The following USP6 variants were observed in gnomAD, a reference collection of about 807,000 sequenced individuals.
USP6 encodes ubiquitin specific peptidase 6, also known as ubiquitin carboxyl-terminal hydrolase 6.
A neutral mutation model predicts 175.7 loss-of-function variants in USP6; 128 were observed. The ratio of observed to expected loss-of-function variants is 0.73; its 90% CI spans 0.63 to 0.84. The LOEUF (loss-of-function observed/expected upper bound fraction) is 0.84. Among genes scored for constraint, USP6 ranks in the 40% least tolerant of loss-of-function variants. USP6 has a pLI of 0.00. For synonymous variants in USP6, 562 were observed against 630.6 expected, an observed-to-expected ratio of 0.89 and a Z score of 1.63; for missense variants, 1,498 against 1,760.3, an observed-to-expected ratio of 0.85 and a Z score of 2.67.
At chr17:5,151,431 ATGTG>A (rs138448773) in intron 30 of USP6, among the ~76,000 whole-genome samples, 9,924 of 146,316 alleles carry the variant, frequency 0.068, 933 homozygotes, top group African/African-American at 0.21. Context: ...CAAAGTCTGC[ATGTG>A]TGTGTGTGTG....
rs755743160 is a variant in USP6 at position 5,168,910 on chromosome 17, A to C, written c.3372A>C (p.Thr1124=). Residue 1124 remains threonine, a synonymous_variant, in exon 35 of 38, where the codon ACA becomes ACC. Transcript: ENST00000574788. ...CCCTCTGCCAGCATAAACCACTCAC[A>C]CCCCAGGGGGATGAGCTCTCCAAGC... is the stretch of plus-strand genomic sequence containing the variant. The part of the protein sequence containing the change: ...DPALCQHKPL[T]PQGDELSKPR... 6.2e-7 allele frequency: 1 copy of C among 1,613,866 alleles called. No homozygotes were observed.
Position 5,135,918 on chromosome 17 carries a change from C to T in USP6, c.654C>T (p.His218=). 2 of 1,598,486 alleles carry T rather than the reference C, an allele frequency of 1.3e-6. No homozygotes were observed. Among genetic ancestry groups the T allele is most frequent in the African/African-American group, 1.3e-5 (1 of 74,996 alleles). Residue 218 remains histidine, a synonymous_variant, in exon 17 of 38, where the codon CAC becomes CAT. Coordinates refer to ENST00000574788, the MANE Select transcript of USP6 (RefSeq NM_001304284.2). ...ALVQLLASER[H]SLPGFHSPNG... The stretch of plus-strand genomic sequence containing the variant: ...TGCAGCTGCTGGCCAGTGAGAGGCA[C>T]TCCCTGCCAGGTAGGTGAACAGCTG...
chr17:5,137,993 C>T, intron 20 of USP6, 128 bp from the exon 21 acceptor site: 1 of 1,556,982 alleles, frequency 6.4e-7, no homozygotes, highest in Non-Finnish European at 8.7e-7. Flanking sequence ...CTCCTGTGTA[C>T]ATCTGGATGC....
chr17:5,128,403 A>G (rs1241151622), intron 7 of USP6: 1 of 152,244 alleles, frequency 6.6e-6, no homozygotes, highest in Non-Finnish European at 1.5e-5. Flanking sequence ...TAAAAATACC[A>G]TTAAGTAATA....
intron 20 of USP6, 117 bp from the exon 21 acceptor site, chr17:5,138,004 C>G: frequency 1.9e-6 from 3 of 1,572,782 alleles, no homozygotes; most frequent in Middle Eastern, 1.8e-4. Flanking sequence ...ATCTGGATGC[C>G]TGGGGTGGCC....
intron 35 of USP6, among the ~76,000 whole-genome samples, chr17:5,169,438 T>C (rs950856025): frequency 3.3e-5 from 5 of 152,294 alleles, no homozygotes; most frequent in Admixed American, 1.3e-4. Flanking sequence ...TTATTTATTT[T>C]ATTTTTTGTT....
intron 4 of USP6, among the ~76,000 whole-genome samples, chr17:5,122,323 G>T (rs938354978): frequency 6.6e-6 from 1 of 152,170 alleles, no homozygotes; most frequent in Non-Finnish European, 1.5e-5. Context: ...CGATGACTGT[G>T]TGAGTGGTGA....
rs2073372590 is a variant in USP6 at position 5,139,417 on chromosome 17, C to T, written c.1241C>T (p.Pro414Leu). ...CCATGGGCATCTCGTTTTTCCACGC[C>T]CTGTCCTGGTGGGGCTGTCCGGGAA... Reference protein sequence around the residue: ...SPPWASRFSTPCPGGAVREDT... With the variant: ...SPPWASRFSTLCPGGAVREDT... Residue 414 changes from proline (P) to leucine (L), a missense_variant, in exon 22 of 38, where the codon CCC (proline) becomes CTC (leucine). By Grantham distance (98) the Pro-to-Leu change is moderately conservative. This residue lies in a region of USP6 where 1,217 missense variants were observed against 1,500.8 expected (regional missense o/e 0.81). Coordinates refer to ENST00000574788, the MANE Select transcript of USP6 (RefSeq NM_001304284.2). 6.2e-7 allele frequency: 1 copy of T among 1,613,274 alleles called. No individual in the cohort carries two copies. Among genetic ancestry groups the T allele is most frequent in the Non-Finnish European group, 8.5e-7 (1 of 1,180,024 alleles).
chr17:5,166,782 T>C (rs1011333881), intron 33 of USP6, among the ~76,000 whole-genome samples: 1 of 151,770 alleles, frequency 6.6e-6, no homozygotes, highest in African/African-American at 2.4e-5. Flanking sequence ...AAAAATTCTT[T>C]CTCTTCTGCT....
rs771565444 is a variant in USP6 at position 5,145,570 on chromosome 17, G to C, written c.2158G>C (p.Glu720Gln). Residue 720 changes from glutamate (E) to glutamine (Q), a missense_variant, in exon 27 of 38, where the codon GAA becomes CAA. This residue lies in a region of USP6 where 1,217 missense variants were observed against 1,500.8 expected (regional missense o/e 0.81). Transcript: ENST00000574788. ...ACCAATGGACAGTTACATGGACTTA[G>C]AAATAACAGGTAGGTCACAAAGTTC... ...PLPMDSYMDL[E>Q]ITVIKLDGTT... 2 of 1,587,978 alleles carry C rather than the reference G, an allele frequency of 1.3e-6. No individual in the cohort carries two copies.
At chr17:5,125,662 GCACACACACGCACATGCACA>G (rs2072863982) in intron 5 of USP6, among the ~76,000 whole-genome samples, 139 bp from the exon 6 acceptor site, 3 of 129,018 alleles carry the variant, frequency 2.3e-5, no homozygotes, top group Non-Finnish European at 3.2e-5. Context: ...ACACAAACAC[GCACACACACGCACATGCACA>G]CACACACACA....
intron 16 of USP6, 44 bp from the exon 17 acceptor site, chr17:5,135,764 C>T: frequency 6.3e-7 from 1 of 1,597,276 alleles, no homozygotes; most frequent in Non-Finnish European, 8.5e-7. Context: ...GTGACCTCAG[C>T]CCTCCCAGGT....
intron 31 of USP6, among the ~76,000 whole-genome samples, chr17:5,160,035 G>C (rs1900913690): frequency 6.6e-6 from 1 of 151,810 alleles, no homozygotes; most frequent in Non-Finnish European, 1.5e-5. Flanking sequence ...GCTTCGTTCA[G>C]TTAGAGCAAA....
intron 1 of USP6, among the ~76,000 whole-genome samples, chr17:5,117,345 C>T (rs541495370): frequency 9.9e-5 from 15 of 151,940 alleles, no homozygotes; most frequent in African/African-American, 3.6e-4. Context: ...GTGAAACCCC[C>T]TCTCTACAAA....
intron 2 of USP6, among the ~76,000 whole-genome samples, chr17:5,120,355 A>G (rs2072626180): frequency 6.6e-6 from 1 of 151,948 alleles, no homozygotes; most frequent in Admixed American, 6.6e-5. Context: ...GGGGGTTGTT[A>G]TCTCTCAGGG....
intron 16 of USP6, 131 bp from the exon 17 acceptor site, chr17:5,135,677 C>T (rs2073230290): frequency 2.5e-6 from 4 of 1,579,726 alleles, no homozygotes; most frequent in Non-Finnish European, 3.4e-6. Flanking sequence ...AATGAATTTG[C>T]ATCCTGAGGA....
chr17:5,137,510 T>C, intron 19 of USP6, 141 bp from the exon 20 acceptor site: 1 of 887,994 alleles, frequency 1.1e-6, no homozygotes, highest in Non-Finnish European at 1.7e-6. Context: ...AGACCTTTTC[T>C]GACTCAGCAT....
At chr17:5,166,727 A>G (rs1222365466) in intron 33 of USP6, among the ~76,000 whole-genome samples, 1 of 151,812 alleles carries the variant, frequency 6.6e-6, no homozygotes, top group South Asian at 2.1e-4. Context: ...TCCCAGCTCT[A>G]TGGTTCTTGA....
At chr17:5,157,886 G>A (rs1366288705) in intron 31 of USP6, among the ~76,000 whole-genome samples, 4 of 152,118 alleles carry the variant, frequency 2.6e-5, no homozygotes, top group Admixed American at 6.5e-5. Context: ...TCAGCCTCCC[G>A]AAGTGGTGGA....
Sources: gnomAD v4.1 joint callset for allele counts (sites outside exome capture counted in the v4.1 genomes callset) on GRCh38, gnomAD v4.1.1 for gene constraint, gnomAD v4.1.1 regional missense constraint, MANE v1.5 for transcripts, NCBI Gene and HGNC (gene_info 2026-07-23, HGNC 2026-07-21) for gene names.